RSBN1L: variants seen among roughly 807,000 people sequenced by gnomAD.
RSBN1L encodes round spermatid basic protein 1 like.
In RSBN1L, 30 loss-of-function variants were observed where a neutral mutation model predicts 67.7. The observed-to-expected ratio is 0.44, with a 90% CI of 0.33 to 0.60. The LOEUF is 0.60. Among genes scored for constraint, RSBN1L ranks in the 20% least tolerant of loss-of-function variants. RSBN1L has a pLI of 0.02. For synonymous variants in RSBN1L, 433 were observed against 387.0 expected, an observed-to-expected ratio of 1.12 and a Z score of -1.39; for missense variants, 992 against 1,031.7, an observed-to-expected ratio of 0.96 and a Z score of 0.53.
At chr7:77,763,018 A>G (rs1791715311) in intron 3 of RSBN1L, among the ~76,000 whole-genome samples, 2 of 152,130 alleles carry the variant, frequency 1.3e-5, no homozygotes, top group South Asian at 4.1e-4. Context: ...GAATGAACCA[A>G]CTCAGTGGCA....
intron 1 of RSBN1L, among the ~76,000 whole-genome samples, chr7:77,724,078 G>A (rs17156923): frequency 1.3e-5 from 2 of 152,032 alleles, no homozygotes; most frequent in Non-Finnish European, 2.9e-5. Context: ...CTTTGCACCA[G>A]CTTATAATTA....
At chr7:77,740,017 G>A (rs1379957401) in intron 2 of RSBN1L, among the ~76,000 whole-genome samples, 2 of 151,722 alleles carry the variant, frequency 1.3e-5, no homozygotes, top group African/African-American at 4.8e-5. Context: ...CTCCCAAAGT[G>A]CTGGGATTAT....
intron 1 of RSBN1L, among the ~76,000 whole-genome samples, chr7:77,699,447 CAG>C (rs1360378580): frequency 1.3e-5 from 2 of 152,196 alleles, no homozygotes; most frequent in Admixed American, 6.5e-5. Flanking sequence ...ACCATTCTAA[CAG>C]AACGTATTTG....
At chr7:77,753,137 A>G (rs1450836397) in intron 3 of RSBN1L, among the ~76,000 whole-genome samples, 1 of 152,180 alleles carries the variant, frequency 6.6e-6, no homozygotes, top group African/African-American at 2.4e-5. Flanking sequence ...TGATGAGCAT[A>G]TGTATGTGTT....
intron 4 of RSBN1L, among the ~76,000 whole-genome samples, chr7:77,765,888 T>A (rs1295831894): frequency 6.6e-6 from 1 of 152,198 alleles, no homozygotes; most frequent in Non-Finnish European, 1.5e-5. Context: ...AGCTAAGTGG[T>A]GGGCCATGAA....
intron 1 of RSBN1L, among the ~76,000 whole-genome samples, chr7:77,714,592 C>T (rs1433761028): frequency 6.6e-6 from 1 of 152,072 alleles, no homozygotes; most frequent in Admixed American, 6.6e-5. Context: ...TTTGGTGCTA[C>T]AAGTTGATGG....
Position 77,765,651 on chromosome 7 carries a change from T to G in RSBN1L, c.1482+19T>G. 1 of 1,555,098 alleles carries G rather than the reference T, an allele frequency of 6.4e-7. No individual in the cohort carries two copies. The highest frequency in any genetic ancestry group is 8.7e-7 in the Non-Finnish European group (1 of 1,147,218). On this transcript the variant is annotated intron_variant, in intron 4 of 7. Coordinates refer to ENST00000334955, the MANE Select transcript of RSBN1L (RefSeq NM_198467.3). The stretch of plus-strand genomic sequence containing the variant: ...TTTAAAAGTAAGAGACAATCTGTCA[T>G]GGGATTAGAGTTTTTTTTTTAAAAA...
intron 1 of RSBN1L, among the ~76,000 whole-genome samples, chr7:77,725,243 ACTTTTTTTTTTTTT>A (rs1791182955): frequency 1.7e-5 from 1 of 57,918 alleles, no homozygotes; most frequent in African/African-American, 8.8e-5. Context: ...TAAGCCCCCC[ACTTTTTTTTTTTTT>A]TTTTTTTTGA....
chr7:77,719,029 A>G (rs1791082474), intron 1 of RSBN1L, among the ~76,000 whole-genome samples: 1 of 152,142 alleles, frequency 6.6e-6, no homozygotes, highest in Non-Finnish European at 1.5e-5. Flanking sequence ...AGGAAGTTGG[A>G]TTTCTTACGT....
chr7:77,778,363 G>T lies in RSBN1L; in HGVS notation c.1819G>T (p.Asp607Tyr). The part of the protein sequence containing the change: ...EWPDQPRITK[D>Y]VICFHAEDFL... Reference sequence around the variant, plus strand: ...GCCTGATCAACCCCGTATAACCAAAGATGTAATTTGTTTTCATGCTGAAGA... The same window carrying T: ...GCCTGATCAACCCCGTATAACCAAATATGTAATTTGTTTTCATGCTGAAGA... The change falls in exon 7 of 8, where the codon GAT becomes TAT. Residue 607 changes from aspartate (D) to tyrosine (Y), a missense_variant. By Grantham distance (160) the Asp-to-Tyr change is radical. Transcript: ENST00000334955. The T allele has an allele frequency of 1.2e-6, 2 of 1,612,022 alleles. No individual in the cohort carries two copies. The highest frequency in any genetic ancestry group is 1.7e-6 in the Non-Finnish European group (2 of 1,179,318).
At chr7:77,773,083 A>T in intron 5 of RSBN1L, 64 bp from the exon 6 acceptor site, 1 of 845,426 alleles carries the variant, frequency 1.2e-6, no homozygotes, top group South Asian at 2.4e-5. Context: ...TTATGTGATT[A>T]TTGAATGTTT....
intron 1 of RSBN1L, among the ~76,000 whole-genome samples, chr7:77,731,743 G>T (rs1448351700): frequency 4.0e-5 from 6 of 150,868 alleles, no homozygotes; most frequent in African/African-American, 1.5e-4. Flanking sequence ...TTAATCTATT[G>T]TGCCTTTGGT....
Position 77,760,149 on chromosome 7 carries a change from T to A in RSBN1L, c.1345-5346T>A, listed in dbSNP as rs554658784. On this transcript the variant is annotated intron_variant, in intron 3 of 7. Transcript: ENST00000334955. ...TTGGCAACATATTTCCTGTTAAGAA[T>A]AGGCTACTTTTTTCCCTTTGTAGCA... Among the ~76,000 whole-genome samples the A allele has an allele frequency of 1.3e-5, 2 of 152,364 alleles. 1 individual carries two copies. Among genetic ancestry groups the A allele is most frequent in the South Asian group, 4.1e-4 (2 of 4,832 alleles).
At chr7:77,705,604 C>G (rs936386564) in intron 1 of RSBN1L, among the ~76,000 whole-genome samples, 8 of 149,912 alleles carry the variant, frequency 5.3e-5, no homozygotes, top group East Asian at 1.9e-4. Flanking sequence ...CTCTGCCTCC[C>G]GGGTTCCAGT....
At chr7:77,746,201 G>C (rs890244079) in intron 2 of RSBN1L, among the ~76,000 whole-genome samples, 7 of 152,168 alleles carry the variant, frequency 4.6e-5, no homozygotes, top group African/African-American at 1.7e-4. Flanking sequence ...AAAGAAAAGA[G>C]GTTTAATTGG....
intron 1 of RSBN1L, among the ~76,000 whole-genome samples, chr7:77,735,576 A>G (rs1161082777): frequency 6.6e-6 from 1 of 152,170 alleles, no homozygotes; most frequent in Admixed American, 6.5e-5. Context: ...TGCAGTATGC[A>G]TGTATACTAT....
chr7:77,719,799 C>G (rs886899098), intron 1 of RSBN1L, among the ~76,000 whole-genome samples: 1 of 152,176 alleles, frequency 6.6e-6, no homozygotes, highest in Non-Finnish European at 1.5e-5. Flanking sequence ...AGGTCTCACT[C>G]TGTTGCTCAG....
At chr7:77,765,796 A>AAGG (rs1442625582) in intron 4 of RSBN1L, among the ~76,000 whole-genome samples, 164 bp downstream of exon 4, 1 of 152,186 alleles carries the variant, frequency 6.6e-6, no homozygotes, top group Non-Finnish European at 1.5e-5. Flanking sequence ...AACTGGAGGG[A>AAGG]AGGAGAGCAA....
At chr7:77,709,380 C>T (rs556562058) in intron 1 of RSBN1L, among the ~76,000 whole-genome samples, 19 of 152,216 alleles carry the variant, frequency 1.2e-4, no homozygotes, top group African/African-American at 3.9e-4. Context: ...ACCGCCACCT[C>T]CTGGGTTCAA....
Sources: allele counts gnomAD v4.1 joint callset (sites outside exome capture counted in the v4.1 genomes callset), GRCh38; gene constraint gnomAD v4.1.1; transcripts MANE v1.5; gene names NCBI Gene and HGNC (gene_info 2026-07-23, HGNC 2026-07-21).